Variants in OPTC observed in about 807,000 individuals in gnomAD.
OPTC encodes opticin.
Under a neutral mutation model 25.4 loss-of-function variants are expected in OPTC, and 22 were observed. The ratio of observed to expected loss-of-function variants is 0.87; its 90% CI spans 0.62 to 1.24. OPTC has a LOEUF of 1.24. OPTC is among the 50% of genes most tolerant of loss of function. OPTC has a pLI of 0.00. For missense variants in OPTC, 417 were observed against 425.2 expected, an observed-to-expected ratio of 0.98 and a Z score of 0.17; for synonymous variants, 169 against 179.3, an observed-to-expected ratio of 0.94 and a Z score of 0.46.
intron 3 of OPTC, 26 bp downstream of exon 3, chr1:203,497,141 A>G: frequency 6.2e-7 from 1 of 1,613,404 alleles, no homozygotes; most frequent in East Asian, 2.2e-5. Flanking sequence ...CATGGTCGCA[A>G]TATCCCTAGG....
chr1:203,503,724 G>A lies in OPTC; in HGVS notation c.*4G>A, dbSNP rs373260368. The A allele has an allele frequency of 1.2e-5, 19 of 1,603,402 alleles. No individual in the cohort carries two copies. The highest frequency in any genetic ancestry group is 5.5e-5 in the South Asian group (5 of 91,070). On this transcript the variant is annotated 3_prime_UTR_variant, in exon 7 of 8. Coordinates refer to ENST00000367222, the MANE Select transcript of OPTC (RefSeq NM_014359.4). ...CCCCATCGGCCGCTTCACGTAGCTC[G>A]GAGCCCTTCCACTCCTCCCAGGTAA...
At position 203,503,505 on chromosome 1, in the gene OPTC, G is replaced by A. The variant is rs1400792956; in HGVS notation, c.829-45G>A. The A allele has an allele frequency of 1.9e-6, 3 of 1,589,262 alleles. No individual in the cohort carries two copies. In the South Asian group the frequency reaches 3.3e-5, roughly 18 times the overall value. ...TGTGAGCCTTTGGTGCTGCTTAAGG[G>A]GCAGAGCCTCTTGGTGAGGCTCAGC... On this transcript the variant is annotated intron_variant, in intron 6 of 7. Transcript: ENST00000367222.
At chr1:203,506,140 A>AT (rs1661480012) in intron 7 of OPTC, among the ~76,000 whole-genome samples, 1 of 136,332 alleles carries the variant, frequency 7.3e-6, no homozygotes, top group Non-Finnish European at 1.6e-5. Flanking sequence ...GAGGAATCCA[A>AT]TTTTCTTTTT....
In OPTC at chr1:203,498,730, C is replaced by A. The variant is rs1015926310; in HGVS notation, c.420C>A (p.Cys140Ter). 5.0e-6 allele frequency: 8 copies of A among 1,614,174 alleles called. 1 individual carries two copies. In the South Asian group the frequency reaches 8.8e-5, roughly 18 times the overall value. The change falls in exon 4 of 8, where the codon TGC becomes TGA. Residue 140 changes from cysteine (C) to a stop codon, truncating the protein, a stop_gained. Coordinates refer to ENST00000367222, the MANE Select transcript of OPTC (RefSeq NM_014359.4). LOFTEE classifies it high-confidence loss of function. ...VCVCLGSSVY[C>*]DDIDLEDIPP... The stretch of plus-strand genomic sequence containing the variant: ...TGTGCCTCGGTTCCTCTGTGTATTG[C>A]GATGACATTGACCTAGAGGACATTC...
intron 2 of OPTC, among the ~76,000 whole-genome samples, chr1:203,496,641 A>T (rs1217697383): frequency 6.6e-6 from 1 of 151,970 alleles, no homozygotes; most frequent in African/African-American, 2.4e-5. Flanking sequence ...CCCCTACTCA[A>T]TTGTGCGTGA....
intron 2 of OPTC, 131 bp from the exon 3 acceptor site, chr1:203,496,846 A>G: frequency 2.1e-6 from 2 of 931,968 alleles, no homozygotes; most frequent in Non-Finnish European, 3.4e-6. Context: ...TCTTTCTGCT[A>G]TCCTTCCCTC....
chr1:203,507,652 G>C (rs1258931624), intron 7 of OPTC, among the ~76,000 whole-genome samples: 7 of 152,202 alleles, frequency 4.6e-5, no homozygotes, highest in African/African-American at 1.7e-4. Context: ...GCGGGAGGAG[G>C]TCAAGGGGAA....
intron 2 of OPTC, 122 bp from the exon 3 acceptor site, chr1:203,496,852 CCCT>C: frequency 3.7e-5 from 36 of 983,796 alleles, no homozygotes; most frequent in Non-Finnish European, 4.7e-5. Flanking sequence ...TGCTATCCTT[CCCT>C]CCTCCTCCTC....
At chr1:203,499,063 G>A (rs780488508) in intron 4 of OPTC, among the ~76,000 whole-genome samples, 5 of 152,172 alleles carry the variant, frequency 3.3e-5, no homozygotes, top group Non-Finnish European at 5.9e-5. Context: ...CTCCAAAAAC[G>A]TCTGGGAAGC....
At chr1:203,503,977 C>T (rs552354537) in intron 7 of OPTC, among the ~76,000 whole-genome samples, 1 of 152,298 alleles carries the variant, frequency 6.6e-6, no homozygotes, top group Admixed American at 6.5e-5. Flanking sequence ...GCTCCTGGCT[C>T]AGAAAATAGC....
intron 5 of OPTC, among the ~76,000 whole-genome samples, chr1:203,501,965 A>G (rs1186576794): frequency 2.0e-5 from 3 of 152,128 alleles, no homozygotes; most frequent in African/African-American, 7.2e-5. Flanking sequence ...GCCCAGGATA[A>G]GGCCTGGGCT....
At chr1:203,502,516 T>TTTAGCATTTGGAGACTTGTCATTGGGGAA (rs1661406532) in intron 5 of OPTC, among the ~76,000 whole-genome samples, 1 of 152,102 alleles carries the variant, frequency 6.6e-6, no homozygotes, top group Non-Finnish European at 1.5e-5. Context: ...TGGCCCCAGG[T>TTTAGCATTTGGAGACTTGTCATTGGGGAA]TTAGCATTTG....
rs1176655523 is a variant in OPTC at position 203,498,734 on chromosome 1, G to C, written c.424G>C (p.Asp142His). 1 of 1,614,166 alleles carries C rather than the reference G, an allele frequency of 6.2e-7. No individual in the cohort carries two copies. Among genetic ancestry groups the C allele is most frequent in the Non-Finnish European group, 8.5e-7 (1 of 1,180,032 alleles). The change falls in exon 4 of 8, where the codon GAC (aspartate) becomes CAC (histidine). Residue 142 changes from aspartate to histidine, a missense_variant. By Grantham distance (81) the Asp-to-His change is moderately conservative (BLOSUM62 -1). Transcript: ENST00000367222. ...CCTCGGTTCCTCTGTGTATTGCGAT[G>C]ACATTGACCTAGAGGACATTCCTCC... is the stretch of plus-strand genomic sequence containing the variant. ...VCLGSSVYCD[D>H]IDLEDIPPLP...
chr1:203,505,740 T>C (rs1661470494), intron 7 of OPTC, among the ~76,000 whole-genome samples: 1 of 152,080 alleles, frequency 6.6e-6, no homozygotes, highest in South Asian at 2.1e-4. Context: ...CTTCATGCCG[T>C]CATGGTACCT....
At chr1:203,499,553 A>G (rs1661339356) in intron 4 of OPTC, 96 bp from the exon 5 acceptor site, 3 of 991,982 alleles carry the variant, frequency 3.0e-6, no homozygotes, top group Middle Eastern at 4.1e-4. Context: ...CCTCATCTTG[A>G]GAGGGATGGA....
intron 4 of OPTC, 147 bp from the exon 5 acceptor site, chr1:203,499,502 C>T: frequency 1.3e-6 from 1 of 775,362 alleles, no homozygotes; most frequent in South Asian, 1.4e-5. Flanking sequence ...GTTATTTCCT[C>T]TGGTTTGGGC....
Position 203,501,740 on chromosome 1 carries a change from G to A in OPTC, c.733-1174G>A, listed in dbSNP as rs142406803. Among the ~76,000 whole-genome samples, 880 of 152,254 alleles carry A rather than the reference G, an allele frequency of 5.8e-3. 13 individuals are homozygous for A. The highest frequency in any genetic ancestry group is 0.02 in the African/African-American group (837 of 41,542). ...CTCCTGTCTGCAGTGGTCTTTGAGGGAGTTTTACAGAACAGCGTCACTACC... is the reference window on the plus strand; with the variant it reads ...CTCCTGTCTGCAGTGGTCTTTGAGGAAGTTTTACAGAACAGCGTCACTACC... On this transcript the variant is annotated intron_variant, in intron 5 of 7. Coordinates refer to ENST00000367222, the MANE Select transcript of OPTC (RefSeq NM_014359.4).
chr1:203,507,848 GT>G (rs1310193462), intron 7 of OPTC, among the ~76,000 whole-genome samples: 1 of 152,194 alleles, frequency 6.6e-6, no homozygotes, highest in Non-Finnish European at 1.5e-5. Context: ...AGCTAAGTCT[GT>G]TTTAGGAGCC....
intron 7 of OPTC, among the ~76,000 whole-genome samples, chr1:203,505,148 C>G (rs962307202): frequency 6.6e-6 from 1 of 152,292 alleles, no homozygotes; most frequent in Non-Finnish European, 1.5e-5. Context: ...GCAGGAGGAT[C>G]TTATGGAGCA....
Sources: gnomAD v4.1 joint callset for allele counts (sites outside exome capture counted in the v4.1 genomes callset) on GRCh38, gnomAD v4.1.1 for gene constraint, MANE v1.5 for transcripts, NCBI Gene and HGNC (gene_info 2026-07-23, HGNC 2026-07-21) for gene names.